KL: variants seen among roughly 807,000 people sequenced by gnomAD.
KL encodes the protein alpha-klotho.
KL carries 62 observed loss-of-function variants against 84.2 expected under a neutral mutation model. The ratio of observed to expected loss-of-function variants is 0.74; its 90% confidence interval spans 0.60 to 0.91. KL has a LOEUF of 0.91. KL is among the 40% of genes least tolerant of loss of function. KL has a pLI of 0.00. For missense variants in KL, 1,261 were observed against 1,305.7 expected (o/e 0.97, Z 0.53); for synonymous variants, 528 against 528.0 (o/e 1.00, Z 0.00).
At chr13:33,046,939 A>G (rs1283834683) in intron 1 of KL, among the ~76,000 whole-genome samples, 11 of 152,014 alleles carry the variant, frequency 7.2e-5, no homozygotes, top group Admixed American at 7.2e-4. Context: ...ATTTCCACGT[A>G]TTTGTGAATA....
At chr13:33,039,606 A>G (rs1162553231) in intron 1 of KL, among the ~76,000 whole-genome samples, 2 of 152,170 alleles carry the variant, frequency 1.3e-5, no homozygotes, top group Non-Finnish European at 2.9e-5. Flanking sequence ...AATTGAGCCA[A>G]ATTTGGAAGA....
intron 3 of KL, among the ~76,000 whole-genome samples, chr13:33,059,069 G>A (rs950037532): frequency 1.3e-5 from 2 of 152,078 alleles, no homozygotes; most frequent in African/African-American, 4.8e-5. Context: ...TTTGCAACAG[G>A]CCCGTAAAAT....
In KL at chr13:33,060,677, A is replaced by C. The variant is rs1264695594; in HGVS notation, c.1600-2A>C. ...CGCTAATGTTTACTCTGCCCTTCACAGGTAGATACCACTCTGTCTCAGTTT... is the reference window on the plus strand; with the variant it reads ...CGCTAATGTTTACTCTGCCCTTCACCGGTAGATACCACTCTGTCTCAGTTT... On this transcript the variant is annotated splice_acceptor_variant, in intron 3 of 4. Coordinates refer to ENST00000380099, the MANE Select transcript of KL (RefSeq NM_004795.4). LOFTEE classifies it high-confidence loss of function. 3.1e-6 allele frequency: 5 copies of C among 1,614,060 alleles called. No homozygotes were observed. The African/African-American group carries it at 6.7e-5, about 22-fold the overall frequency.
intron 1 of KL, among the ~76,000 whole-genome samples, chr13:33,031,029 T>A (rs1216494496): frequency 3.9e-5 from 6 of 152,186 alleles, no homozygotes; most frequent in Non-Finnish European, 5.9e-5. Context: ...GAAATACAGG[T>A]CAGGAAATTT....
At chr13:33,054,381 A>G in intron 2 of KL, 104 bp downstream of exon 2, 1 of 1,218,526 alleles carries the variant, frequency 8.2e-7, no homozygotes, top group Non-Finnish European at 1.2e-6. Context: ...TTAAATCCTA[A>G]TGGAGACATT....
At chr13:33,047,254 T>G (rs1362948933) in intron 1 of KL, among the ~76,000 whole-genome samples, 1 of 152,226 alleles carries the variant, frequency 6.6e-6, no homozygotes, top group Non-Finnish European at 1.5e-5. Flanking sequence ...TTGCATAATA[T>G]GTCTCTTTCC....
At chr13:33,058,828 C>T (rs1387422122) in intron 3 of KL, among the ~76,000 whole-genome samples, 1 of 152,082 alleles carries the variant, frequency 6.6e-6, no homozygotes, top group South Asian at 2.1e-4. Flanking sequence ...ACTCTGAACG[C>T]TTCAAAAGAG....
chr13:33,030,135 T>C (rs188348950), intron 1 of KL, among the ~76,000 whole-genome samples: 16 of 152,246 alleles, frequency 1.1e-4, no homozygotes, highest in Admixed American at 8.5e-4. Flanking sequence ...CCCACTTCTA[T>C]GATAACAGCA....
chr13:33,017,803 A>C (rs1870427352), intron 1 of KL, among the ~76,000 whole-genome samples: 1 of 152,210 alleles, frequency 6.6e-6, no homozygotes, highest in Non-Finnish European at 1.5e-5. Flanking sequence ...CTTCTGCGGC[A>C]GGGCAGGGAA....
intron 1 of KL, among the ~76,000 whole-genome samples, chr13:33,051,411 G>A (rs1871746103): frequency 6.6e-6 from 1 of 152,128 alleles, no homozygotes; most frequent in South Asian, 2.1e-4. Flanking sequence ...GGTGCCTGTA[G>A]TCCCAGTTAC....
chr13:33,064,860 G>T lies in KL; in HGVS notation c.*674G>T, dbSNP rs1297778901. The stretch of plus-strand genomic sequence containing the variant: ...CTGTCTAAACCCTGTGTCCCTGAGG[G>T]ATCTGTCTCACTGGCATCTTGTTGA... On this transcript the variant is annotated 3_prime_UTR_variant, in exon 5 of 5. Transcript: ENST00000380099. The T allele has an allele frequency of 4.4e-6, 1 of 228,418 alleles. No homozygotes were observed. Among genetic ancestry groups the T allele is most frequent in the Non-Finnish European group, 8.7e-6 (1 of 115,144 alleles). 14.1% of individuals were successfully genotyped at this position (228,418 alleles called of 1,614,324 possible).
At chr13:33,040,881 C>T (rs1048670809) in intron 1 of KL, among the ~76,000 whole-genome samples, 9 of 152,114 alleles carry the variant, frequency 5.9e-5, no homozygotes, top group African/African-American at 1.9e-4. Context: ...TTCCTTGATT[C>T]CTCTTCCCCT....
intron 1 of KL, among the ~76,000 whole-genome samples, chr13:33,030,730 A>G (rs1199703005): frequency 1.3e-5 from 2 of 152,238 alleles, no homozygotes; most frequent in Non-Finnish European, 2.9e-5. Flanking sequence ...AACAGAATAA[A>G]ATAAACAGAA....
rs746050747 is a variant in KL at position 33,054,101 on chromosome 13, A to G, written c.1154A>G (p.Lys385Arg). The G allele has an allele frequency of 1.9e-6, 3 of 1,614,076 alleles. No homozygotes were observed. The highest frequency in any genetic ancestry group is 1.7e-5 in the Admixed American group (1 of 60,014). ...TTTCAACTTTTGGACCCTCACATGA[A>G]GTTCCGCCAATTGGAATCTCCCAAC... Reference protein sequence around the residue: ...LSFQLLDPHMKFRQLESPNLR... With the variant: ...LSFQLLDPHMRFRQLESPNLR... Residue 385 changes from lysine (K) to arginine (R), a missense_variant, in exon 2 of 5, where the codon AAG (lysine) becomes AGG (arginine). Coordinates refer to ENST00000380099, the MANE Select transcript of KL (RefSeq NM_004795.4).
chr13:33,043,712 C>T (rs1871422588), intron 1 of KL, among the ~76,000 whole-genome samples: 1 of 152,114 alleles, frequency 6.6e-6, no homozygotes, highest in Non-Finnish European at 1.5e-5. Context: ...TTTTCTTTTA[C>T]TACTGATAGG....
chr13:33,062,311 G>T (rs2138245249), intron 4 of KL, among the ~76,000 whole-genome samples: 1 of 151,792 alleles, frequency 6.6e-6, no homozygotes, highest in African/African-American at 2.4e-5. Flanking sequence ...AGCTTGGGAG[G>T]TCCAGCTGCA....
rs114331951 is a variant in KL, at chr13:33,026,737, G to A, written c.819+9478G>A. Among the ~76,000 whole-genome samples the A allele has an allele frequency of 6.4e-3, 981 of 152,318 alleles. 10 individuals carry two copies. Among genetic ancestry groups the A allele is most frequent in the African/African-American group, 0.023 (956 of 41,570 alleles). On this transcript the variant is annotated intron_variant, in intron 1 of 4. Coordinates refer to ENST00000380099, the MANE Select transcript of KL (RefSeq NM_004795.4). ...GCTACCAGCAGCCCTGGCCTGGAGA[G>A]CGGTGCCCCCACTGAATGTCTCAGT...
intron 1 of KL, among the ~76,000 whole-genome samples, chr13:33,040,247 G>A (rs1440809000): frequency 6.6e-6 from 1 of 152,196 alleles, no homozygotes; most frequent in Non-Finnish European, 1.5e-5. Context: ...ATAGAAATAA[G>A]AGAAATAATT....
rs149775738 is a variant in KL at position 33,061,611 on chromosome 13, G to A, written c.2532G>A (p.Gln844=). 277 of 1,614,222 alleles carry A rather than the reference G, an allele frequency of 1.7e-4. 1 individual carries two copies. In the African/African-American group the frequency reaches 3.3e-3, roughly 19 times the overall value. The change falls in exon 4 of 5, where the codon CAG becomes CAA. Residue 844 remains glutamine, a synonymous_variant. Transcript: ENST00000380099. ...TDITWLNSPS[Q]VAVVPWGLRK... is the part of the protein sequence containing the mutation. ...TCACGTGGCTCAACTCCCCCAGTCA[G>A]GTGGCGGTAGTGCCCTGGGGGTTGC...
Sources: allele counts gnomAD v4.1 joint callset (sites outside exome capture counted in the v4.1 genomes callset), GRCh38; gene constraint gnomAD v4.1.1; transcripts MANE v1.5; gene names NCBI Gene and HGNC (gene_info 2026-07-23, HGNC 2026-07-21).